Variants in ABCD3 observed in about 807,000 individuals in gnomAD.
ABCD3 encodes the protein ATP binding cassette subfamily D member 3, also known as ATP-binding cassette sub-family D member 3.
Under a neutral mutation model 105.5 loss-of-function variants are expected in ABCD3, and 41 were observed. The observed-to-expected ratio is 0.39, with a 90% CI of 0.30 to 0.50. The LOEUF is 0.50. Among genes scored for constraint, ABCD3 ranks in the 20% least tolerant of loss-of-function variants. ABCD3 has a pLI of 0.84. For missense variants in ABCD3, 622 were observed against 806.3 expected, an observed-to-expected ratio of 0.77 and a Z score of 2.77; for synonymous variants, 258 against 269.0, an observed-to-expected ratio of 0.96 and a Z score of 0.40.
At chr1:94,401,738 A>T in the ABCD3 span, among the ~76,000 whole-genome samples, 1 of 152,224 alleles carries the variant, frequency 6.6e-6, no homozygotes, top group African/African-American at 2.4e-5. Flanking sequence ...ATCTGAATTT[A>T]TCTTTAAGAT....
Position 94,487,175 on chromosome 1 carries a change from T to G in ABCD3, c.898-367T>G, listed in dbSNP as rs1649315405. On this transcript the variant is annotated intron_variant, in intron 10 of 22. Coordinates refer to ENST00000370214, the MANE Select transcript of ABCD3 (RefSeq NM_002858.4). ...CGGACAGCTAGTGTTTCACTCAAAC[T>G]AGTTAATCTCTGTTCTTTTTGCTTT... Among the ~76,000 whole-genome samples, 4 of 152,230 alleles carry G rather than the reference T, an allele frequency of 2.6e-5. No individual in the cohort carries two copies. The South Asian group carries it at 8.3e-4, about 31-fold the overall frequency.
At chr1:94,452,180 T>C (rs967002952) in intron 1 of ABCD3, among the ~76,000 whole-genome samples, 19 of 152,204 alleles carry the variant, frequency 1.2e-4, no homozygotes, top group African/African-American at 3.9e-4. Context: ...GGACAACAGA[T>C]GTAAACAAGG....
the ABCD3 span, among the ~76,000 whole-genome samples, chr1:94,411,860 C>T: frequency 2.6e-5 from 4 of 152,224 alleles, no homozygotes; most frequent in South Asian, 8.3e-4. Flanking sequence ...AGATTAACCT[C>T]GGAAACTTTA....
At chr1:94,483,051 G>A in intron 9 of ABCD3, 119 bp from the exon 10 acceptor site, 1 of 725,290 alleles carries the variant, frequency 1.4e-6, no homozygotes, top group Non-Finnish European at 2.5e-6. Context: ...CACCAGATAA[G>A]CTCTTAGTCA....
intron 3 of ABCD3, among the ~76,000 whole-genome samples, chr1:94,465,733 G>A (rs939366762): frequency 2.6e-5 from 4 of 152,108 alleles, no homozygotes; most frequent in Non-Finnish European, 5.9e-5. Flanking sequence ...CTGCTTATAC[G>A]AATAGTTGTA....
chr1:94,507,643 C>G (rs1356657933), intron 21 of ABCD3, among the ~76,000 whole-genome samples: 1 of 152,158 alleles, frequency 6.6e-6, no homozygotes, highest in Non-Finnish European at 1.5e-5. Flanking sequence ...CACATCTTCT[C>G]CAGCACCTGT....
chr1:94,475,331 A>C, intron 6 of ABCD3, 91 bp downstream of exon 6: 1 of 983,122 alleles, frequency 1.0e-6, no homozygotes, highest in East Asian at 2.7e-5. Context: ...TATTTATTGT[A>C]TGTTTTCTAA....
the ABCD3 span, among the ~76,000 whole-genome samples, chr1:94,402,340 G>A: frequency 6.6e-6 from 1 of 152,026 alleles, no homozygotes; most frequent in Non-Finnish European, 1.5e-5. Flanking sequence ...AAGTTACAAA[G>A]CTTAAAATGG....
intron 1 of ABCD3, among the ~76,000 whole-genome samples, chr1:94,454,150 T>C (rs368635438): frequency 5.9e-5 from 9 of 152,148 alleles, no homozygotes; most frequent in South Asian, 4.1e-4. Context: ...CAGAAACTAA[T>C]GATAACGAAC....
the ABCD3 span, among the ~76,000 whole-genome samples, chr1:94,393,123 A>C: frequency 7.1e-6 from 1 of 141,552 alleles, no homozygotes; most frequent in Admixed American, 7.2e-5. Flanking sequence ...TAAATAAATA[A>C]ATAAAAAGAA....
chr1:94,436,426 T>C (rs1486750613), intron 1 of ABCD3, among the ~76,000 whole-genome samples: 1 of 152,228 alleles, frequency 6.6e-6, no homozygotes, highest in Non-Finnish European at 1.5e-5. Flanking sequence ...ATTAATATGA[T>C]TACTGAAAAT....
intron 1 of ABCD3, among the ~76,000 whole-genome samples, chr1:94,421,976 C>T (rs1192885081): frequency 6.6e-5 from 10 of 152,148 alleles, no homozygotes; most frequent in Non-Finnish European, 2.9e-5. Flanking sequence ...AAAATACAAA[C>T]TTTCTGTATT....
chr1:94,397,480 C>T, the ABCD3 span, among the ~76,000 whole-genome samples: 11 of 152,242 alleles, frequency 7.2e-5, no homozygotes, highest in Non-Finnish European at 1.0e-4. Flanking sequence ...GAATATCCCT[C>T]GATTTGAGTC....
chr1:94,488,859 G>T (rs997097812), intron 13 of ABCD3, among the ~76,000 whole-genome samples: 13 of 151,684 alleles, frequency 8.6e-5, no homozygotes, highest in African/African-American at 2.9e-4. Context: ...GTGGGTGTGT[G>T]TGTCTTTCTC....
chr1:94,486,238 A>G (rs1170066779), intron 10 of ABCD3, among the ~76,000 whole-genome samples: 1 of 152,080 alleles, frequency 6.6e-6, no homozygotes, highest in Non-Finnish European at 1.5e-5. Context: ...GTATATGCAA[A>G]TACTATGCCA....
At chr1:94,483,795 G>A (rs1420377010) in intron 10 of ABCD3, among the ~76,000 whole-genome samples, 1 of 152,074 alleles carries the variant, frequency 6.6e-6, no homozygotes, top group Non-Finnish European at 1.5e-5. Flanking sequence ...TGACAAATGG[G>A]ATCTAATTAA....
At chr1:94,409,589 T>C in the ABCD3 span, among the ~76,000 whole-genome samples, 285 of 152,350 alleles carry the variant, frequency 1.9e-3, 1 homozygote, top group African/African-American at 5.7e-3. Context: ...GGTGAAACTT[T>C]ACTTATTACA....
intron 1 of ABCD3, among the ~76,000 whole-genome samples, chr1:94,455,968 A>G (rs1049099461): frequency 1.3e-5 from 2 of 152,100 alleles, no homozygotes; most frequent in Non-Finnish European, 2.9e-5. Context: ...ATACATATAC[A>G]TTGTGAAATG....
At chr1:94,496,699 T>G (rs932826460) in intron 16 of ABCD3, among the ~76,000 whole-genome samples, 2 of 106,562 alleles carry the variant, frequency 1.9e-5, no homozygotes, top group Non-Finnish European at 4.0e-5. Context: ...TTTCTGTTTT[T>G]TTTTTTTTTT....
Sources: gnomAD v4.1 joint callset for allele counts (sites outside exome capture counted in the v4.1 genomes callset) on GRCh38, gnomAD v4.1.1 for gene constraint, MANE v1.5 for transcripts, NCBI Gene and HGNC (gene_info 2026-07-23, HGNC 2026-07-21) for gene names.